The following ATRNL1 variants were observed in gnomAD, a reference collection of about 807,000 sequenced individuals.
The protein encoded by ATRNL1 is attractin like 1, also known as attractin-like protein 1.
ATRNL1 carries 95 observed loss-of-function variants against 182.7 expected under a neutral mutation model. That is an observed-to-expected ratio of 0.52 (90% CI 0.44 to 0.62). The LOEUF is 0.62. Among genes scored for constraint, ATRNL1 ranks in the 20% least tolerant of loss-of-function variants. The pLI is 0.00. For synonymous variants in ATRNL1, 576 were observed against 568.3 expected (o/e 1.01, Z -0.19); for missense variants, 1,471 against 1,679.5 (o/e 0.88, Z 2.17).
At chr10:115,424,096 A>C (rs1845769720) in intron 20 of ATRNL1, among the ~76,000 whole-genome samples, 1 of 152,142 alleles carries the variant, frequency 6.6e-6, no homozygotes, top group Admixed American at 6.5e-5. Flanking sequence ...AAAACCCCAC[A>C]AGTAGTAAAG....
intron 26 of ATRNL1, among the ~76,000 whole-genome samples, chr10:115,618,512 A>AT (rs374928571): frequency 6.7e-5 from 10 of 148,600 alleles, no homozygotes; most frequent in East Asian, 2.0e-4. Flanking sequence ...CCTTTTTACA[A>AT]TTTTTTTTTT....
At position 115,258,408 on chromosome 10, in the gene ATRNL1, T is replaced by C. The variant is rs35527384; in HGVS notation, c.1688-6785T>C. 4.2e-3 allele frequency among the ~76,000 whole-genome samples: 639 copies of C among 152,240 alleles called. 2 individuals carry two copies. The highest frequency in any genetic ancestry group is 6.3e-3 in the Non-Finnish European group (427 of 68,034). ...CTTTCTTCTACTTGATTGAATCAGC[T>C]ATTGAAACTTGTGCATGCGTCATGA... is the stretch of plus-strand genomic sequence containing the variant. On this transcript the variant is annotated intron_variant, in intron 10 of 28. Transcript: ENST00000355044.
chr10:115,799,529 A>G (rs560345540), intron 27 of ATRNL1, among the ~76,000 whole-genome samples: 1 of 152,152 alleles, frequency 6.6e-6, no homozygotes, highest in Non-Finnish European at 1.5e-5. Flanking sequence ...AACATTCACC[A>G]ATTAACGAAG....
At chr10:115,104,759 A>G (rs1412495392) in intron 1 of ATRNL1, among the ~76,000 whole-genome samples, 2 of 152,214 alleles carry the variant, frequency 1.3e-5, no homozygotes, top group East Asian at 1.9e-4. Flanking sequence ...ATTATTCTTC[A>G]TATGGATATC....
At chr10:115,320,873 A>G (rs1337239718) in intron 18 of ATRNL1, among the ~76,000 whole-genome samples, 1 of 152,006 alleles carries the variant, frequency 6.6e-6, no homozygotes, top group African/African-American at 2.4e-5. Flanking sequence ...ACTTCTGTCA[A>G]TTTGTCCATC....
chr10:115,154,871 T>C (rs1284410287), intron 5 of ATRNL1, among the ~76,000 whole-genome samples: 1 of 152,188 alleles, frequency 6.6e-6, no homozygotes, highest in Non-Finnish European at 1.5e-5. Context: ...ACTCTTAGAC[T>C]GCCACTGTCA....
intron 9 of ATRNL1, among the ~76,000 whole-genome samples, chr10:115,235,455 A>G (rs936089477): frequency 2.6e-5 from 4 of 151,926 alleles, no homozygotes; most frequent in Non-Finnish European, 5.9e-5. Context: ...TCTAATCTGG[A>G]TATTTTGTAT....
chr10:115,926,445 A>T (rs533314175), intron 28 of ATRNL1, among the ~76,000 whole-genome samples: 4 of 152,062 alleles, frequency 2.6e-5, no homozygotes, highest in Admixed American at 6.6e-5. Context: ...CACAAAAAAA[A>T]CCCTCCAAAA....
At chr10:115,572,471 T>C (rs1854455134) in intron 26 of ATRNL1, among the ~76,000 whole-genome samples, 1 of 151,988 alleles carries the variant, frequency 6.6e-6, no homozygotes, top group South Asian at 2.1e-4. Context: ...CAATCTAGGG[T>C]TTTACCTTCA....
At chr10:115,393,094 C>T (rs1249683772) in intron 19 of ATRNL1, among the ~76,000 whole-genome samples, 1 of 152,080 alleles carries the variant, frequency 6.6e-6, no homozygotes, top group Non-Finnish European at 1.5e-5. Context: ...GACAGACAAC[C>T]ACTCCCTTGG....
At chr10:115,305,680 A>C (rs11197152) in intron 17 of ATRNL1, among the ~76,000 whole-genome samples, 2,071 of 152,296 alleles carry the variant, frequency 0.014, 44 homozygotes, top group African/African-American at 0.048. Flanking sequence ...CTAGACATGA[A>C]AGATTACATA....
At chr10:115,756,749 G>A (rs1948600514) in intron 27 of ATRNL1, among the ~76,000 whole-genome samples, 1 of 152,080 alleles carries the variant, frequency 6.6e-6, no homozygotes, top group Non-Finnish European at 1.5e-5. Context: ...TCTGTCTAAT[G>A]TTGACAGTGG....
intron 27 of ATRNL1, among the ~76,000 whole-genome samples, chr10:115,779,890 GTTCT>G (rs1391143576): frequency 1.3e-5 from 2 of 152,146 alleles, no homozygotes; most frequent in Non-Finnish European, 2.9e-5. Flanking sequence ...TGGAAAAATG[GTTCT>G]TTGAGAGGGG....
chr10:115,669,363 G>C (rs1459764364), intron 26 of ATRNL1, among the ~76,000 whole-genome samples: 3 of 152,058 alleles, frequency 2.0e-5, no homozygotes, highest in African/African-American at 7.2e-5. Flanking sequence ...AGTATATCTA[G>C]ATATAGAAAT....
At chr10:115,296,802 T>C (rs138174081) in intron 15 of ATRNL1, among the ~76,000 whole-genome samples, 242 of 152,340 alleles carry the variant, frequency 1.6e-3, no homozygotes, top group African/African-American at 5.5e-3. Flanking sequence ...CTGTGAAGGA[T>C]AGAGCAGTAG....
At chr10:115,524,393 A>C (rs1403066589) in intron 25 of ATRNL1, among the ~76,000 whole-genome samples, 1 of 152,212 alleles carries the variant, frequency 6.6e-6, no homozygotes, top group Non-Finnish European at 1.5e-5. Flanking sequence ...AAAATTGAAA[A>C]GAATAATTTT....
At chr10:115,171,866 G>T (rs1847308510) in intron 8 of ATRNL1, among the ~76,000 whole-genome samples, 3 of 151,820 alleles carry the variant, frequency 2.0e-5, no homozygotes, top group South Asian at 4.2e-4. Flanking sequence ...TCATTTTTTT[G>T]AATTATTTAT....
intron 18 of ATRNL1, among the ~76,000 whole-genome samples, chr10:115,326,159 T>A (rs571772846): frequency 5.3e-5 from 8 of 152,200 alleles, no homozygotes; most frequent in Non-Finnish European, 1.0e-4. Flanking sequence ...TGTTTGCAGA[T>A]GACATGATTG....
intron 18 of ATRNL1, among the ~76,000 whole-genome samples, chr10:115,325,999 G>A (rs1854855499): frequency 6.6e-6 from 1 of 151,794 alleles, no homozygotes; most frequent in Non-Finnish European, 1.5e-5. Flanking sequence ...ACATGTAGTG[G>A]GCACTCAATA....
Sources: allele counts gnomAD v4.1 joint callset (sites outside exome capture counted in the v4.1 genomes callset), GRCh38; gene constraint gnomAD v4.1.1; transcripts MANE v1.5; gene names NCBI Gene and HGNC (gene_info 2026-07-23, HGNC 2026-07-21).